TEK: variants seen among roughly 807,000 people sequenced by gnomAD.
The protein encoded by TEK is TEK receptor tyrosine kinase, also known as angiopoietin-1 receptor.
In TEK, 43 loss-of-function variants were observed where a neutral mutation model predicts 131.8. The ratio of observed to expected loss-of-function variants is 0.33; its 90% CI spans 0.26 to 0.42. The LOEUF is 0.42. TEK is among the 10% of genes least tolerant of loss of function. The pLI is 1.00. For synonymous variants in TEK, 580 were observed against 491.6 expected, an observed-to-expected ratio of 1.18 and a Z score of -2.38; for missense variants, 1,162 against 1,384.4, an observed-to-expected ratio of 0.84 and a Z score of 2.55.
chr9:27,140,369 G>T (rs1365194184), intron 1 of TEK, among the ~76,000 whole-genome samples: 1 of 138,890 alleles, frequency 7.2e-6, no homozygotes, highest in Non-Finnish European at 1.5e-5. Context: ...ACAGGGATCT[G>T]TTTGTGAAAC....
At chr9:27,189,109 A>C (rs936215985) in intron 9 of TEK, among the ~76,000 whole-genome samples, 1 of 152,174 alleles carries the variant, frequency 6.6e-6, no homozygotes, top group Non-Finnish European at 1.5e-5. Context: ...TGTATAATAC[A>C]CACTCTTGGG....
chr9:27,218,130 T>TTGGGTG (rs9298888), intron 19 of TEK, among the ~76,000 whole-genome samples: 1 of 139,514 alleles, frequency 7.2e-6, no homozygotes, highest in South Asian at 2.5e-4. Context: ...GGCCAGACAG[T>TTGGGTG]GGCGGGGGTC....
At chr9:27,146,999 G>C (rs1476817776) in intron 1 of TEK, among the ~76,000 whole-genome samples, 1 of 152,142 alleles carries the variant, frequency 6.6e-6, no homozygotes, top group Non-Finnish European at 1.5e-5. Flanking sequence ...AAAGTGCTGG[G>C]ATTACAGGCG....
intron 1 of TEK, among the ~76,000 whole-genome samples, chr9:27,135,767 C>A (rs1587498556): frequency 6.6e-6 from 1 of 151,442 alleles, no homozygotes; most frequent in East Asian, 1.9e-4. Context: ...TGGTCTATCT[C>A]AGAGCAGACC....
rs553091543 is a variant in TEK at position 27,219,961 on chromosome 9, T to A, written c.3104-88T>A. ...CCTCTCTTGCCATACCATGTCTTCC[T>A]CCTGGCCCCTTATATTTAGAAACCC... On this transcript the variant is annotated intron_variant, in intron 20 of 22. Coordinates refer to ENST00000380036, the MANE Select transcript of TEK (RefSeq NM_000459.5). 30 of 1,373,950 alleles carry A rather than the reference T, an allele frequency of 2.2e-5. No homozygotes were observed. In the South Asian group the frequency reaches 3.3e-4, roughly 15 times the overall value. The allele number at this position is 1,373,950 out of a possible 1,614,324, so 85.1% of individuals were successfully genotyped here.
chr9:27,196,691 G>A (rs1011282638), intron 11 of TEK, among the ~76,000 whole-genome samples: 1 of 151,698 alleles, frequency 6.6e-6, no homozygotes, highest in African/African-American at 2.4e-5. Context: ...CATGGCAGAA[G>A]GCAAAGTGGG....
chr9:27,218,979 T>C (rs1469258715), intron 20 of TEK, among the ~76,000 whole-genome samples, 162 bp downstream of exon 20: 1 of 152,118 alleles, frequency 6.6e-6, no homozygotes. Context: ...ATATTTTTCT[T>C]TTTAAAAGCC....
chr9:27,159,273 A>G (rs1480346279), intron 2 of TEK, among the ~76,000 whole-genome samples: 1 of 152,152 alleles, frequency 6.6e-6, no homozygotes, highest in Non-Finnish European at 1.5e-5. Flanking sequence ...TACCACTGCC[A>G]TCTACATTTC....
In TEK at chr9:27,165,358, AT is replaced by A. The variant is rs570284024; in HGVS notation, c.365-3136del. Among the ~76,000 whole-genome samples, 652 of 152,328 alleles carry A rather than the reference AT, an allele frequency of 4.3e-3. 4 individuals are homozygous for A. The highest frequency in any genetic ancestry group is 0.015 in the African/African-American group (625 of 41,574). ...AAAATTCTCGTAGGAGTCCAGGAGC[AT>A]GCCACAGAGAGCAAGAGCTGCATGC... On this transcript the variant is annotated intron_variant, in intron 2 of 22. Transcript: ENST00000380036.
Position 27,192,416 on chromosome 9 carries a change from A to C in TEK, c.1490-73A>C. 2.5e-6 allele frequency: 4 copies of C among 1,586,734 alleles called. No homozygotes were observed. The South Asian group carries it at 4.4e-5, about 18-fold the overall frequency. On this transcript the variant is annotated intron_variant, in intron 10 of 22. Transcript: ENST00000380036. ...AAAACCTAAAATTAGTTCACATCGC[A>C]ATAACAACAACCCCGGCTTAAGGAA...
intron 6 of TEK, 111 bp from the exon 7 acceptor site, chr9:27,180,129 C>G: frequency 1.3e-6 from 2 of 1,510,728 alleles, no homozygotes; most frequent in Non-Finnish European, 1.8e-6. Context: ...CTACCTTACA[C>G]AAATCAGCAA....
At chr9:27,143,213 C>T (rs909405071) in intron 1 of TEK, among the ~76,000 whole-genome samples, 1 of 152,132 alleles carries the variant, frequency 6.6e-6, no homozygotes, top group Non-Finnish European at 1.5e-5. Flanking sequence ...GTGATTGAAA[C>T]TAGAGAGAGC....
rs150300028 is a variant in TEK at position 27,123,138 on chromosome 9, G to A, written c.52+13496G>A. Reference sequence around the variant, plus strand: ...AGAATTAGCAGCTGGGTGCTGTTGCGAAGCATTTTTAGTGAATGGGCAGGG... The same window carrying A: ...AGAATTAGCAGCTGGGTGCTGTTGCAAAGCATTTTTAGTGAATGGGCAGGG... On this transcript the variant is annotated intron_variant, in intron 1 of 22. Coordinates refer to ENST00000380036, the MANE Select transcript of TEK (RefSeq NM_000459.5). 3.0e-3 allele frequency among the ~76,000 whole-genome samples: 457 copies of A among 151,022 alleles called. 4 individuals carry two copies. The highest frequency in any genetic ancestry group is 0.011 in the African/African-American group (445 of 41,074).
At chr9:27,129,235 G>A (rs189528345) in intron 1 of TEK, among the ~76,000 whole-genome samples, 30 of 152,072 alleles carry the variant, frequency 2.0e-4, no homozygotes, top group Non-Finnish European at 3.1e-4. Flanking sequence ...TGAGATAATC[G>A]TGGTTTTTGT....
At chr9:27,166,862 T>A (rs1823750127) in intron 2 of TEK, among the ~76,000 whole-genome samples, 1 of 152,222 alleles carries the variant, frequency 6.6e-6, no homozygotes, top group South Asian at 2.1e-4. Context: ...TGCCACCTTA[T>A]CCTATCTTTT....
At chr9:27,171,006 A>G (rs931278515) in intron 4 of TEK, among the ~76,000 whole-genome samples, 1 of 152,212 alleles carries the variant, frequency 6.6e-6, no homozygotes, top group African/African-American at 2.4e-5. Flanking sequence ...TTAGACTAAC[A>G]TCTGCTTAAA....
chr9:27,179,130 A>AT (rs1369254022), intron 6 of TEK, among the ~76,000 whole-genome samples: 2 of 151,950 alleles, frequency 1.3e-5, no homozygotes, highest in Non-Finnish European at 2.9e-5. Context: ...ATTAAAAATC[A>AT]TTTTTTTCCA....
chr9:27,221,987 C>T (rs1027975658), intron 21 of TEK, among the ~76,000 whole-genome samples: 1 of 151,988 alleles, frequency 6.6e-6, no homozygotes, highest in African/African-American at 2.4e-5. Context: ...AAGCTAAGAA[C>T]GTTGAAAAAA....
intron 6 of TEK, among the ~76,000 whole-genome samples, chr9:27,174,769 C>T (rs1824100245): frequency 6.6e-6 from 1 of 152,074 alleles, no homozygotes; most frequent in Non-Finnish European, 1.5e-5. Flanking sequence ...TCCCATCTGG[C>T]CTCTGAAGTG....
Sources: allele counts gnomAD v4.1 joint callset (sites outside exome capture counted in the v4.1 genomes callset), GRCh38; gene constraint gnomAD v4.1.1; transcripts MANE v1.5; gene names NCBI Gene and HGNC (gene_info 2026-07-23, HGNC 2026-07-21).